Variants in CAP2 observed in about 807,000 individuals in gnomAD.
CAP2 encodes the protein adenylyl cyclase-associated protein 2.
CAP2 carries 24 observed loss-of-function variants against 57.7 expected under a neutral mutation model. That is an observed-to-expected ratio of 0.42 (90% CI 0.30 to 0.58). The LOEUF (loss-of-function observed/expected upper bound fraction) is 0.58. CAP2 is among the 20% of genes least tolerant of loss of function. The probability of loss-of-function intolerance (pLI) is 0.22; values close to 1 mark genes in which losing one functional copy is unlikely to be tolerated. For synonymous variants in CAP2, 194 were observed against 207.2 expected, an observed-to-expected ratio of 0.94 and a Z score of 0.55; for missense variants, 501 against 590.3, an observed-to-expected ratio of 0.85 and a Z score of 1.57.
intron 7 of CAP2, among the ~76,000 whole-genome samples, chr6:17,529,652 AT>A (rs11322584): frequency 0.057 from 5,673 of 99,178 alleles, 136 homozygotes; most frequent in African/African-American, 0.082. Flanking sequence ...AAAAAAAAAA[AT>A]ATATATATAT....
chr6:17,441,797 A>G (rs1195398684), intron 3 of CAP2, among the ~76,000 whole-genome samples: 2 of 152,168 alleles, frequency 1.3e-5, no homozygotes, highest in Non-Finnish European at 2.9e-5. Context: ...AAAAATATAC[A>G]TTTCCTATCA....
At chr6:17,505,936 C>G (rs1394179535) in intron 4 of CAP2, among the ~76,000 whole-genome samples, 1 of 152,126 alleles carries the variant, frequency 6.6e-6, no homozygotes, top group Non-Finnish European at 1.5e-5. Context: ...ACTCTGGCAC[C>G]AGGCTGGAGT....
intron 4 of CAP2, among the ~76,000 whole-genome samples, chr6:17,482,423 C>G (rs981111536): frequency 3.4e-5 from 5 of 145,172 alleles, no homozygotes; most frequent in African/African-American, 1.3e-4. Flanking sequence ...GCAGGAGAAT[C>G]GCTTGAACCT....
Position 17,465,034 on chromosome 6 carries a change from A to G in CAP2, c.300+1961A>G, listed in dbSNP as rs116918435. Reference sequence around the variant, plus strand: ...AAAGCCACTCACTAAATATTGAATGAAAATGTAAGTGAATGAACAATGGAT... The same window carrying G: ...AAAGCCACTCACTAAATATTGAATGGAAATGTAAGTGAATGAACAATGGAT... On this transcript the variant is annotated intron_variant, in intron 4 of 12. Transcript: ENST00000229922. Among the ~76,000 whole-genome samples the G allele has an allele frequency of 7.6e-4, 116 of 152,342 alleles. 2 individuals are homozygous for G. In the East Asian group the frequency reaches 0.02, roughly 26 times the overall value.
At chr6:17,480,779 T>G (rs1347851256) in intron 4 of CAP2, among the ~76,000 whole-genome samples, 1 of 150,678 alleles carries the variant, frequency 6.6e-6, no homozygotes, top group African/African-American at 2.4e-5. Flanking sequence ...TTTGGTTTTT[T>G]TTTTTTTTTT....
chr6:17,441,827 C>T (rs1481275652), intron 3 of CAP2, among the ~76,000 whole-genome samples: 2 of 152,234 alleles, frequency 1.3e-5, no homozygotes, highest in East Asian at 1.9e-4. Context: ...AGTTAAACTA[C>T]GGCCAACAGA....
intron 7 of CAP2, among the ~76,000 whole-genome samples, chr6:17,536,538 C>T (rs1363215089): frequency 6.6e-6 from 1 of 152,168 alleles, no homozygotes; most frequent in Non-Finnish European, 1.5e-5. Context: ...GTCTCGCGTT[C>T]CTGGGCCAGC....
chr6:17,440,230 C>T (rs1024692285), intron 3 of CAP2, among the ~76,000 whole-genome samples: 1 of 151,516 alleles, frequency 6.6e-6, no homozygotes, highest in African/African-American at 2.4e-5. Context: ...AGAGTTTTGG[C>T]ATGATTCTTG....
chr6:17,495,376 A>G (rs998631542), intron 4 of CAP2, among the ~76,000 whole-genome samples: 4 of 152,226 alleles, frequency 2.6e-5, no homozygotes, highest in Non-Finnish European at 4.4e-5. Context: ...GAGCACAATT[A>G]TCTCATTTTA....
chr6:17,501,300 G>A (rs1025902026), intron 4 of CAP2, among the ~76,000 whole-genome samples: 4 of 152,174 alleles, frequency 2.6e-5, no homozygotes, highest in African/African-American at 9.6e-5. Context: ...CCAAAAGGCC[G>A]AGAAGCAATG....
intron 4 of CAP2, among the ~76,000 whole-genome samples, chr6:17,473,696 T>A (rs1320995): frequency 2.6e-5 from 4 of 151,950 alleles, no homozygotes; most frequent in African/African-American, 9.7e-5. Context: ...CATTCCAGTC[T>A]GGATCTGCTG....
intron 7 of CAP2, among the ~76,000 whole-genome samples, chr6:17,534,222 A>G (rs1208956854): frequency 1.3e-5 from 2 of 152,256 alleles, no homozygotes. Flanking sequence ...AACATACTAT[A>G]AAAGAATTTG....
chr6:17,433,836 T>G (rs1207285879), intron 3 of CAP2, among the ~76,000 whole-genome samples: 1 of 152,222 alleles, frequency 6.6e-6, no homozygotes, highest in Non-Finnish European at 1.5e-5. Flanking sequence ...TCATTGGACA[T>G]CCCTGTGACT....
chr6:17,493,017 A>T (rs1761581545), intron 4 of CAP2, among the ~76,000 whole-genome samples: 1 of 152,218 alleles, frequency 6.6e-6, no homozygotes, highest in Non-Finnish European at 1.5e-5. Flanking sequence ...AAAACAGAGG[A>T]GGACATAAAA....
chr6:17,483,830 C>T (rs1464593084), intron 4 of CAP2, among the ~76,000 whole-genome samples: 1 of 152,048 alleles, frequency 6.6e-6, no homozygotes, highest in African/African-American at 2.4e-5. Context: ...CAGGAGCCAC[C>T]AGCCCACTGC....
intron 1 of CAP2, among the ~76,000 whole-genome samples, chr6:17,404,466 G>A (rs770259840): frequency 5.9e-5 from 9 of 152,136 alleles, no homozygotes; most frequent in Non-Finnish European, 8.8e-5. Context: ...ATAGCTGGGC[G>A]TGGTGGCGAG....
At chr6:17,485,179 T>C (rs1444100808) in intron 4 of CAP2, among the ~76,000 whole-genome samples, 1 of 152,110 alleles carries the variant, frequency 6.6e-6, no homozygotes, top group South Asian at 2.1e-4. Flanking sequence ...TTATAAACAG[T>C]ACTGATGGCA....
At chr6:17,477,125 C>T (rs556384873) in intron 4 of CAP2, among the ~76,000 whole-genome samples, 1 of 152,210 alleles carries the variant, frequency 6.6e-6, no homozygotes, top group African/African-American at 2.4e-5. Flanking sequence ...CCCGGCCTTT[C>T]GGCCTCCCAA....
At chr6:17,421,453 G>A in intron 1 of CAP2, 102 bp from the exon 2 acceptor site, 2 of 1,132,640 alleles carry the variant, frequency 1.8e-6, no homozygotes, top group South Asian at 2.5e-5. Flanking sequence ...GCCATCCCCA[G>A]TGATTGTGTC....
Sources: allele counts gnomAD v4.1 joint callset (sites outside exome capture counted in the v4.1 genomes callset), GRCh38; gene constraint gnomAD v4.1.1; transcripts MANE v1.5; gene names NCBI Gene and HGNC (gene_info 2026-07-23, HGNC 2026-07-21).